The following CARS2 variants were observed in gnomAD, a reference collection of about 807,000 sequenced individuals.
CARS2 encodes the protein probable cysteine--tRNA ligase, mitochondrial.
A neutral mutation model predicts 68.8 loss-of-function variants in CARS2; 52 were observed. That is an observed-to-expected ratio of 0.76 (90% CI 0.61 to 0.95). CARS2 has a LOEUF of 0.95. Ranked by LOEUF, CARS2 falls within the 40% of genes least tolerant of loss-of-function variation. The probability of loss-of-function intolerance (pLI) is 0.00; values close to 1 mark genes in which losing one functional copy is unlikely to be tolerated. For missense variants in CARS2, 780 were observed against 754.2 expected, an observed-to-expected ratio of 1.03 and a Z score of -0.40; for synonymous variants, 314 against 303.6, an observed-to-expected ratio of 1.03 and a Z score of -0.36.
chr13:110,667,407 T>C lies in CARS2; in HGVS notation c.852A>G (p.Glu284=), dbSNP rs4628819. The C allele has an allele frequency of 0.83, 1,331,782 of 1,613,404 alleles. 553,037 individuals are homozygous for C. The highest frequency in any genetic ancestry group is 0.85 in the East Asian group (38,250 of 44,858). The part of the protein sequence containing the change: ...GGIDLAFPHH[E]NEIAQCEVFH... ...AGACTTCGCACTGTGCAATTTCGTT[T>C]TCATGATGTGGAAAAGCTAAATCTA... Residue 284 remains glutamate (E), a synonymous_variant, in exon 8 of 15, where the codon GAA becomes GAG. Transcript: ENST00000257347.
intron 10 of CARS2, chr13:110,648,243 G>T (rs981223765): frequency 6.6e-6 from 1 of 152,140 alleles, no homozygotes; most frequent in African/African-American, 2.4e-5. Context: ...CCCACAAAGC[G>T]ATCTGACAAA....
chr13:110,713,068 C>T, intron 1 of CARS2: 2 of 1,448,356 alleles, frequency 1.4e-6, no homozygotes, highest in African/African-American at 1.4e-5. Flanking sequence ...CGTGCCCGGC[C>T]CTCCCCTTCC....
intron 9 of CARS2, among the ~76,000 whole-genome samples, chr13:110,661,643 C>A (rs945873807): frequency 6.6e-6 from 1 of 152,246 alleles, no homozygotes; most frequent in Non-Finnish European, 1.5e-5. Flanking sequence ...CCTGTCTCAG[C>A]TTTTGACATA....
intron 8 of CARS2, chr13:110,666,509 G>A: frequency 1.0e-6 from 1 of 985,336 alleles, no homozygotes; most frequent in Non-Finnish European, 1.2e-6. Flanking sequence ...GGTAAGCCCG[G>A]GGTGAAGGAC....
intron 3 of CARS2, among the ~76,000 whole-genome samples, chr13:110,690,691 G>A (rs1020628458): frequency 7.9e-5 from 12 of 152,144 alleles, no homozygotes; most frequent in Admixed American, 2.0e-4. Flanking sequence ...AGCTACACTC[G>A]TAGGCAGGAG....
intron 7 of CARS2, 21 bp from the exon 8 acceptor site, chr13:110,667,494 T>C (rs1162591517): frequency 6.2e-7 from 1 of 1,605,334 alleles, no homozygotes; most frequent in Non-Finnish European, 8.5e-7. Flanking sequence ...CAGTGCAAAG[T>C]AGTGAATTCA....
At chr13:110,654,951 AG>A (rs11365773) in intron 9 of CARS2, among the ~76,000 whole-genome samples, 26,848 of 123,928 alleles carry the variant, frequency 0.22, 2,948 homozygotes, top group African/African-American at 0.34. Flanking sequence ...AGAAAAAAAA[AG>A]AAAAAGAAAA....
upstream of CARS2, among the ~76,000 whole-genome samples, chr13:110,709,344 TCG>T (rs945944584): frequency 1.3e-5 from 2 of 151,956 alleles, no homozygotes; most frequent in African/African-American, 2.4e-5. Context: ...TCCGCCCACC[TCG>T]GTCTCTGAAA....
At chr13:110,684,201 C>T (rs1166331220) in intron 5 of CARS2, among the ~76,000 whole-genome samples, 2 of 152,232 alleles carry the variant, frequency 1.3e-5, no homozygotes, top group African/African-American at 4.8e-5. Flanking sequence ...ATCCAGCACC[C>T]TCCAACCACA....
At chr13:110,697,270 C>T (rs1010381956) in intron 3 of CARS2, among the ~76,000 whole-genome samples, 3 of 152,216 alleles carry the variant, frequency 2.0e-5, no homozygotes, top group South Asian at 4.1e-4. Flanking sequence ...TTAGACATCA[C>T]GCACCTGCCT....
chr13:110,646,264 C>T, intron 11 of CARS2, 174 bp from the exon 12 acceptor site: 1 of 641,108 alleles, frequency 1.6e-6, no homozygotes. Context: ...GTAACATCAA[C>T]TGCAAACTGT....
rs746008234 is a variant in CARS2 at position 110,687,812 on chromosome 13, C to T, written c.480G>A (p.Thr160=). Residue 160 remains threonine, a synonymous_variant, in exon 5 of 15, where the codon ACG becomes ACA. Transcript: ENST00000257347. ...DMAALKVLPP[T]VYLRVTENIP... Reference sequence around the variant, plus strand: ...TATTTTCGGTTACCCTCAGGTACACCGTGGGTGGGAGAACCTGCAAGGAAG... The same window carrying T: ...TATTTTCGGTTACCCTCAGGTACACTGTGGGTGGGAGAACCTGCAAGGAAG... 8.7e-6 allele frequency: 14 copies of T among 1,609,086 alleles called. No individual in the cohort carries two copies. In the East Asian group the frequency reaches 2.5e-4, roughly 28 times the overall value.
chr13:110,685,882 A>G lies in CARS2; in HGVS notation c.571+1839T>C, dbSNP rs138423577. Among the ~76,000 whole-genome samples the G allele has an allele frequency of 3.5e-3, 539 of 151,936 alleles. 5 individuals carry two copies. Among genetic ancestry groups the G allele is most frequent in the African/African-American group, 0.012 (505 of 41,440 alleles). On this transcript the variant is annotated intron_variant, in intron 5 of 14. Coordinates refer to ENST00000257347, the MANE Select transcript of CARS2 (RefSeq NM_024537.4). Reference sequence around the variant, plus strand: ...ACCAGACAAAGATTAGCATCCGCAAACCAATGAAACCACCTGCAGTAAGCA... The same window carrying G: ...ACCAGACAAAGATTAGCATCCGCAAGCCAATGAAACCACCTGCAGTAAGCA...
chr13:110,691,313 G>A (rs1055382748), intron 3 of CARS2, among the ~76,000 whole-genome samples: 4 of 152,206 alleles, frequency 2.6e-5, no homozygotes, highest in Admixed American at 6.5e-5. Context: ...ACCGTGCCAG[G>A]CCGGAAGTAT....
chr13:110,679,573 G>GAGAAAGAAAGAAAGAGAGAGAGAGAA (rs2063081338), intron 6 of CARS2, among the ~76,000 whole-genome samples: 1 of 94,208 alleles, frequency 1.1e-5, no homozygotes, highest in Non-Finnish European at 2.0e-5. Context: ...AAGAAAGAGA[G>GAGAAAGAAAGAAAGAGAGAGAGAGAA]AGAAAGAAAG....
chr13:110,705,244 T>C lies in CARS2; in HGVS notation c.275+277A>G, dbSNP rs1354661592. Among the ~76,000 whole-genome samples the C allele has an allele frequency of 6.6e-6, 1 of 152,184 alleles. No individual in the cohort carries two copies. The highest frequency in any genetic ancestry group is 1.5e-5 in the Non-Finnish European group (1 of 68,020). On this transcript the variant is annotated intron_variant, in intron 2 of 14. Coordinates refer to ENST00000257347, the MANE Select transcript of CARS2 (RefSeq NM_024537.4). This position sits in a 1 kb window ranked among gnomAD's most constrained non-coding sequence, Gnocchi z 4.0. ...GACCCCGGGACCCCGCAAAGGCCTC[T>C]TGATGTCACTAAACCCAGCAAAAAA... is the stretch of plus-strand genomic sequence containing the variant.
intron 3 of CARS2, among the ~76,000 whole-genome samples, chr13:110,699,872 C>T (rs1401255922): frequency 6.6e-6 from 1 of 152,248 alleles, no homozygotes; most frequent in African/African-American, 2.4e-5. Context: ...CCTCCAATGT[C>T]CCACCTGCCT....
At chr13:110,652,400 G>C (rs2062240856) in intron 9 of CARS2, among the ~76,000 whole-genome samples, 1 of 152,262 alleles carries the variant, frequency 6.6e-6, no homozygotes, top group African/African-American at 2.4e-5. Context: ...ACCAGTCTAA[G>C]GCCGTGCTGC....
chr13:110,695,831 GGTTT>G (rs1339136793), intron 3 of CARS2, among the ~76,000 whole-genome samples: 6 of 151,170 alleles, frequency 4.0e-5, no homozygotes, highest in Non-Finnish European at 5.9e-5. Context: ...AGAAAGTGCA[GGTTT>G]GTTACACAGG....
Sources: gnomAD v4.1 joint callset for allele counts (sites outside exome capture counted in the v4.1 genomes callset) on GRCh38, gnomAD v4.1.1 for gene constraint, Gnocchi (gnomAD v3.1) non-coding constraint, MANE v1.5 for transcripts, NCBI Gene and HGNC (gene_info 2026-07-23, HGNC 2026-07-21) for gene names.